Variants in KIAA0319L observed in about 807,000 individuals in gnomAD.
KIAA0319L encodes the protein KIAA0319 like.
KIAA0319L carries 55 observed loss-of-function variants against 120.1 expected under a neutral mutation model. That is an observed-to-expected ratio of 0.46 (90% confidence interval 0.37 to 0.57). The LOEUF (loss-of-function observed/expected upper bound fraction) is 0.57, where lower values mean the gene tolerates loss of function less well. Ranked by LOEUF, KIAA0319L falls within the 20% of genes least tolerant of loss-of-function variation. The probability of loss-of-function intolerance (pLI) is 0.00; values close to 1 mark genes in which losing one functional copy is unlikely to be tolerated. For synonymous variants in KIAA0319L, 398 were observed against 471.9 expected, an observed-to-expected ratio of 0.84 and a Z score of 2.03; for missense variants, 1,049 against 1,255.3, an observed-to-expected ratio of 0.84 and a Z score of 2.48.
chr1:35,444,673 T>G (rs1641486446), intron 16 of KIAA0319L, among the ~76,000 whole-genome samples: 1 of 152,196 alleles, frequency 6.6e-6, no homozygotes, highest in Non-Finnish European at 1.5e-5. Context: ...AACTGGAGGA[T>G]GAGACAAATG....
intron 9 of KIAA0319L, among the ~76,000 whole-genome samples, chr1:35,456,883 G>A: frequency 7.3e-6 from 1 of 137,722 alleles, no homozygotes; most frequent in South Asian, 2.5e-4. Flanking sequence ...AAGGAAGGAG[G>A]GAGGGAGGGA....
At chr1:35,441,497 T>A (rs969769855) in intron 19 of KIAA0319L, among the ~76,000 whole-genome samples, 18 of 152,090 alleles carry the variant, frequency 1.2e-4, no homozygotes, top group African/African-American at 4.3e-4. Flanking sequence ...CTTAGACTGG[T>A]GGGAATTTTT....
rs998559871 is a variant in KIAA0319L at position 35,529,972 on chromosome 1, T to C, written c.143-22837A>G. Among the ~76,000 whole-genome samples the C allele has an allele frequency of 1.0e-3, 153 of 151,834 alleles. 1 individual carries two copies. Among genetic ancestry groups the C allele is most frequent in the African/African-American group, 3.6e-3 (148 of 41,354 alleles). On this transcript the variant is annotated intron_variant, in intron 2 of 20. Transcript: ENST00000325722. The stretch of plus-strand genomic sequence containing the variant: ...TTTGGTCACTTTATGGTATCCTATA[T>C]GTCACAATGCCTTTTTTTTTTTTTT...
chr1:35,513,729 CCTGA>C (rs1238929400), intron 2 of KIAA0319L, among the ~76,000 whole-genome samples: 39 of 152,296 alleles, frequency 2.6e-4, no homozygotes, highest in South Asian at 6.2e-4. Flanking sequence ...TCATTCTTTT[CCTGA>C]CTGACAATAT....
Position 35,470,440 on chromosome 1 carries a change from C to A in KIAA0319L, c.1113+423G>T, listed in dbSNP as rs1466233955. Among the ~76,000 whole-genome samples the A allele has an allele frequency of 2.7e-5, 4 of 147,796 alleles. 1 individual carries two copies. The highest frequency in any genetic ancestry group is 5.9e-5 in the Non-Finnish European group (4 of 67,424). ...CCTGGGAAGTCAAGACTGCAGTGAG[C>A]CGTGATCACACCACTGCACTTCGGC... is the stretch of plus-strand genomic sequence containing the variant. On this transcript the variant is annotated intron_variant, in intron 6 of 20. Coordinates refer to ENST00000325722, the MANE Select transcript of KIAA0319L (RefSeq NM_024874.5).
intron 2 of KIAA0319L, among the ~76,000 whole-genome samples, chr1:35,513,000 G>A (rs1184980836): frequency 6.6e-6 from 1 of 151,024 alleles, no homozygotes; most frequent in Non-Finnish European, 1.5e-5. Flanking sequence ...ATTTTTATTG[G>A]AACTCATTTA....
rs1645231937 is a variant in KIAA0319L at position 35,507,019 on chromosome 1, C to T, written c.259G>A (p.Ala87Thr). 1 of 1,612,066 alleles carries T rather than the reference C, an allele frequency of 6.2e-7. No individual in the cohort carries two copies. The highest frequency in any genetic ancestry group is 1.7e-5 in the Admixed American group (1 of 59,844). Residue 87 changes from alanine (A) to threonine (T), a missense_variant, in exon 3 of 21, where the codon GCT becomes ACT. By Grantham distance (58) the Ala-to-Thr change is moderately conservative (BLOSUM62 0). Coordinates refer to ENST00000325722, the MANE Select transcript of KIAA0319L (RefSeq NM_024874.5). ...EGTPSLQSCW[A>T]ACCQDSACHV... is the part of the protein sequence containing the mutation. ...CAGGCAGAGTCCTGGCAGCAGGCAGCCCAACATGACTGGAGAGAGGGGGTT... is the reference window on the plus strand; with the variant it reads ...CAGGCAGAGTCCTGGCAGCAGGCAGTCCAACATGACTGGAGAGAGGGGGTT...
intron 7 of KIAA0319L, among the ~76,000 whole-genome samples, chr1:35,465,650 T>C (rs962846179): frequency 6.6e-6 from 1 of 152,146 alleles, no homozygotes; most frequent in Non-Finnish European, 1.5e-5. Context: ...TGTGAGGACA[T>C]GAGATTTGGG....
At chr1:35,496,879 C>T (rs181289951) in intron 3 of KIAA0319L, among the ~76,000 whole-genome samples, 39 of 139,698 alleles carry the variant, frequency 2.8e-4, no homozygotes, top group African/African-American at 1.0e-3. Flanking sequence ...CCCTGGAGGT[C>T]GAGGCTGCGG....
rs780034518 is a variant in KIAA0319L, at chr1:35,434,929, G to A, written c.3115C>T (p.Leu1039=). The change falls in exon 21 of 21, where the codon CTG becomes TTG. Residue 1039 remains leucine, a synonymous_variant. Coordinates refer to ENST00000325722, the MANE Select transcript of KIAA0319L (RefSeq NM_024874.5). ...TCCTCCCGCGGGCTCCTGGCCTTCAGAGGGGTCTGCCCGTTGGGTACAGAG... is the reference window on the plus strand; with the variant it reads ...TCCTCCCGCGGGCTCCTGGCCTTCAAAGGGGTCTGCCCGTTGGGTACAGAG... ...NGSVPNGQTP[L]KARSPREEIL is the part of the protein sequence containing the mutation. 1 of 1,613,634 alleles carries A rather than the reference G, an allele frequency of 6.2e-7. No homozygotes were observed. The highest frequency in any genetic ancestry group is 1.7e-5 in the Admixed American group (1 of 60,030).
At chr1:35,546,289 A>C (rs1355414434) in intron 2 of KIAA0319L, among the ~76,000 whole-genome samples, 1 of 152,220 alleles carries the variant, frequency 6.6e-6, no homozygotes, top group Non-Finnish European at 1.5e-5. Flanking sequence ...GGACAAAACA[A>C]AGCATGGTGT....
intron 20 of KIAA0319L, chr1:35,440,652 C>A (rs1207827388): frequency 5.4e-6 from 1 of 183,840 alleles, no homozygotes; most frequent in Non-Finnish European, 1.1e-5. Flanking sequence ...GAAAGGTGGT[C>A]AGCTGGCAGA....
At chr1:35,518,050 T>A (rs1645753906) in intron 2 of KIAA0319L, among the ~76,000 whole-genome samples, 1 of 152,240 alleles carries the variant, frequency 6.6e-6, no homozygotes, top group South Asian at 2.1e-4. Flanking sequence ...ATGGCTATTA[T>A]CAAAAAGCCA....
Position 35,506,164 on chromosome 1 carries a change from C to G in KIAA0319L, c.666+448G>C, listed in dbSNP as rs1020166348. On this transcript the variant is annotated intron_variant, in intron 3 of 20. Transcript: ENST00000325722. The surrounding 1 kb of genome is among the most constrained non-coding windows in gnomAD (Gnocchi z 4.0). ...ACAGCCCAGCAGGTCAGATCTTAAT[C>G]TGTAGTACCAAGCATGGTTAATTCT... Among the ~76,000 whole-genome samples, 2 of 152,228 alleles carry G rather than the reference C, an allele frequency of 1.3e-5. No individual in the cohort carries two copies. Among genetic ancestry groups the G allele is most frequent in the African/African-American group, 4.8e-5 (2 of 41,470 alleles).
At chr1:35,438,699 A>G (rs1209941093) in intron 20 of KIAA0319L, 1 of 151,752 alleles carries the variant, frequency 6.6e-6, no homozygotes, top group Non-Finnish European at 1.5e-5. Context: ...TCTTTTTAAA[A>G]TATAAACCAA....
chr1:35,477,840 T>C (rs959622093), intron 4 of KIAA0319L, among the ~76,000 whole-genome samples: 1 of 152,176 alleles, frequency 6.6e-6, no homozygotes, highest in African/African-American at 2.4e-5. Flanking sequence ...GAGAACAGTT[T>C]GGAGGTTCCT....
In KIAA0319L at chr1:35,475,650, C is replaced by G. The variant is rs528715307; in HGVS notation, c.914-744G>C. On this transcript the variant is annotated intron_variant, in intron 4 of 20. Transcript: ENST00000325722. The stretch of plus-strand genomic sequence containing the variant: ...ACCACCACGCCCAGCTTGCTTATCC[C>G]AAGAATCTTATTTTATCTTCCCTCT... 3.9e-5 allele frequency among the ~76,000 whole-genome samples: 6 copies of G among 152,034 alleles called. No individual in the cohort carries two copies. In the East Asian group the frequency reaches 1.2e-3, roughly 29 times the overall value.
intron 2 of KIAA0319L, among the ~76,000 whole-genome samples, chr1:35,529,113 G>A (rs990081902): frequency 6.6e-6 from 1 of 152,104 alleles, no homozygotes; most frequent in East Asian, 1.9e-4. Context: ...ATGTTGCCCA[G>A]GCTGGTCTCA....
chr1:35,468,369 ACT>A (rs1455846658), intron 6 of KIAA0319L, among the ~76,000 whole-genome samples: 22 of 151,554 alleles, frequency 1.5e-4, no homozygotes, highest in African/African-American at 4.6e-4. Flanking sequence ...CACTCTGCAC[ACT>A]CTCCCTGGTT....
Sources: gnomAD v4.1 joint callset for allele counts (sites outside exome capture counted in the v4.1 genomes callset) on GRCh38, gnomAD v4.1.1 for gene constraint, Gnocchi (gnomAD v3.1) non-coding constraint, MANE v1.5 for transcripts, NCBI Gene and HGNC (gene_info 2026-07-23, HGNC 2026-07-21) for gene names.